Variants in ARHGAP15 observed in about 807,000 individuals in gnomAD.
ARHGAP15 encodes the protein rho GTPase-activating protein 15.
A neutral mutation model predicts 63.7 loss-of-function variants in ARHGAP15; 51 were observed. That is an observed-to-expected ratio of 0.80 (90% CI 0.64 to 1.01). ARHGAP15 has a LOEUF of 1.01. ARHGAP15 is among the 50% of genes least tolerant of loss of function. ARHGAP15 has a pLI of 0.00. For synonymous variants in ARHGAP15, 191 were observed against 193.8 expected (o/e 0.99, Z 0.12); for missense variants, 560 against 564.6 (o/e 0.99, Z 0.08).
chr2:143,758,642 A>G (rs925661306), intron 13 of ARHGAP15, among the ~76,000 whole-genome samples: 1 of 152,106 alleles, frequency 6.6e-6, no homozygotes, highest in African/African-American at 2.4e-5. Flanking sequence ...ATGACAGACT[A>G]TTTTTCATGT....
chr2:143,735,980 C>T (rs918030834), intron 13 of ARHGAP15, among the ~76,000 whole-genome samples: 1 of 152,202 alleles, frequency 6.6e-6, no homozygotes, highest in African/African-American at 2.4e-5. Flanking sequence ...AAAGTACTAT[C>T]CATCCATCTG....
chr2:143,147,245 C>T (rs773293926), intron 1 of ARHGAP15, among the ~76,000 whole-genome samples: 4 of 152,144 alleles, frequency 2.6e-5, no homozygotes, highest in Admixed American at 1.3e-4. Context: ...TGTTTTCTAA[C>T]GCTGTGGCTG....
chr2:143,338,668 C>T (rs1684919702), intron 6 of ARHGAP15, among the ~76,000 whole-genome samples: 1 of 152,022 alleles, frequency 6.6e-6, no homozygotes, highest in Non-Finnish European at 1.5e-5. Flanking sequence ...CTTTTTCTTG[C>T]AAACTCTTTA....
chr2:143,586,398 C>G (rs1697110623), intron 11 of ARHGAP15, among the ~76,000 whole-genome samples: 1 of 151,818 alleles, frequency 6.6e-6, no homozygotes, highest in African/African-American at 2.4e-5. Flanking sequence ...AGAACTAGTC[C>G]TATTTTTCTT....
intron 13 of ARHGAP15, among the ~76,000 whole-genome samples, chr2:143,711,417 G>A (rs1684574665): frequency 6.6e-6 from 1 of 152,212 alleles, no homozygotes; most frequent in Admixed American, 6.5e-5. Context: ...CTTTAAGGAT[G>A]TTGGCTTGGC....
intron 5 of ARHGAP15, among the ~76,000 whole-genome samples, chr2:143,240,381 A>G (rs1406545152): frequency 6.6e-6 from 1 of 152,196 alleles, no homozygotes; most frequent in Non-Finnish European, 1.5e-5. Context: ...AAAGATGAAA[A>G]TAGTTTCAAT....
chr2:143,308,847 A>C (rs544624448), intron 6 of ARHGAP15, among the ~76,000 whole-genome samples: 4 of 151,736 alleles, frequency 2.6e-5, no homozygotes, highest in African/African-American at 7.2e-5. Context: ...GTAAATCAGG[A>C]AAAAAGGGCA....
chr2:143,753,517 G>A (rs777918962), intron 13 of ARHGAP15, among the ~76,000 whole-genome samples: 4 of 152,124 alleles, frequency 2.6e-5, no homozygotes, highest in South Asian at 4.1e-4. Context: ...CCCAGCATCC[G>A]TATTTACAGG....
chr2:143,279,008 T>C (rs1681711710), intron 6 of ARHGAP15, among the ~76,000 whole-genome samples: 2 of 152,090 alleles, frequency 1.3e-5, no homozygotes, highest in Non-Finnish European at 2.9e-5. Flanking sequence ...GCCTCCTACC[T>C]AAGTCACTTA....
intron 8 of ARHGAP15, among the ~76,000 whole-genome samples, chr2:143,457,053 G>A (rs1690694003): frequency 6.6e-6 from 1 of 151,986 alleles, no homozygotes; most frequent in Non-Finnish European, 1.5e-5. Context: ...TTTACAATTA[G>A]TGTGATTATT....
At chr2:143,379,730 A>C (rs1326811513) in intron 6 of ARHGAP15, among the ~76,000 whole-genome samples, 1 of 152,066 alleles carries the variant, frequency 6.6e-6, no homozygotes, top group African/African-American at 2.4e-5. Flanking sequence ...AATCTGAAAT[A>C]ATTATTAATA....
At chr2:143,194,905 G>A (rs1183889411) in intron 2 of ARHGAP15, among the ~76,000 whole-genome samples, 1 of 152,158 alleles carries the variant, frequency 6.6e-6, no homozygotes, top group East Asian at 1.9e-4. Flanking sequence ...AGAATATTAA[G>A]GAGTTAGAAT....
chr2:143,397,568 CG>C (rs374717946), intron 6 of ARHGAP15, among the ~76,000 whole-genome samples: 33,687 of 150,730 alleles, frequency 0.22, 4,191 homozygotes, highest in Admixed American at 0.34. Flanking sequence ...CAAAAAAAAA[CG>C]AAGAAGAAAT....
intron 12 of ARHGAP15, among the ~76,000 whole-genome samples, chr2:143,628,177 G>A (rs1244996912): frequency 6.6e-6 from 1 of 152,098 alleles, no homozygotes; most frequent in Non-Finnish European, 1.5e-5. Flanking sequence ...TTTTATGGCT[G>A]TGTAGTATTC....
intron 12 of ARHGAP15, among the ~76,000 whole-genome samples, chr2:143,631,090 C>A (rs1282148888): frequency 6.6e-6 from 1 of 152,028 alleles, no homozygotes; most frequent in Non-Finnish European, 1.5e-5. Context: ...ATACAGTATG[C>A]ACTCTTTTGG....
chr2:143,692,206 AG>A (rs1249076463), intron 12 of ARHGAP15, among the ~76,000 whole-genome samples: 5 of 151,984 alleles, frequency 3.3e-5, no homozygotes, highest in East Asian at 1.9e-4. Flanking sequence ...AAATTGGGGC[AG>A]GGGGGCAGGG....
intron 11 of ARHGAP15, among the ~76,000 whole-genome samples, chr2:143,605,426 T>C (rs936660764): frequency 6.6e-6 from 1 of 152,136 alleles, no homozygotes; most frequent in Non-Finnish European, 1.5e-5. Flanking sequence ...CCTTAAACTA[T>C]ATATCCAGGT....
intron 3 of ARHGAP15, among the ~76,000 whole-genome samples, chr2:143,203,364 G>A (rs6711340): frequency 0.17 from 25,587 of 151,976 alleles, 2,344 homozygotes; most frequent in Middle Eastern, 0.25. Flanking sequence ...AACTAACTCT[G>A]TTTAGGCTTT....
At chr2:143,568,334 C>T (rs1255531342) in intron 11 of ARHGAP15, among the ~76,000 whole-genome samples, 1 of 151,796 alleles carries the variant, frequency 6.6e-6, no homozygotes. Context: ...GAAAAAAACC[C>T]CATCAAAAAG....
Sources: gnomAD v4.1 joint callset for allele counts (sites outside exome capture counted in the v4.1 genomes callset) on GRCh38, gnomAD v4.1.1 for gene constraint, MANE v1.5 for transcripts, NCBI Gene and HGNC (gene_info 2026-07-23, HGNC 2026-07-21) for gene names.